Variants in HERC2 observed in about 807,000 individuals in gnomAD.
HERC2 encodes E3 ubiquitin-protein ligase HERC2.
Under a neutral mutation model 537.7 loss-of-function variants are expected in HERC2, and 102 were observed. That is an observed-to-expected ratio of 0.19 (90% CI 0.16 to 0.22). HERC2 has a LOEUF of 0.22. Ranked by LOEUF, HERC2 falls within the 10% of genes least tolerant of loss-of-function variation. The pLI is 1.00. For missense variants in HERC2, 4,236 were observed against 6,198.2 expected (o/e 0.68, Z 10.63); for synonymous variants, 2,224 against 2,466.2 (o/e 0.90, Z 2.91).
rs1419029765 is a variant in HERC2 at position 28,191,248 on chromosome 15, T to C, written c.8452-4A>G. 7 of 1,596,380 alleles carry C rather than the reference T, an allele frequency of 4.4e-6. No homozygotes were observed. In the East Asian group the frequency reaches 8.9e-5, roughly 20 times the overall value. The stretch of plus-strand genomic sequence containing the variant: ...AAATCTCCAAACGAATCCAGTGCTT[T>C]AGAAAAACAAAAAAACCACATTCTC... On this transcript the variant is annotated splice_region_variant and splice_polypyrimidine_tract_variant and intron_variant, in intron 53 of 92. Coordinates refer to ENST00000261609, the MANE Select transcript of HERC2 (RefSeq NM_004667.6).
At position 28,236,984 on chromosome 15, in the gene HERC2, G is replaced by C; in HGVS notation, c.3982C>G (p.Pro1328Ala). 1 of 1,611,908 alleles carries C rather than the reference G, an allele frequency of 6.2e-7. No homozygotes were observed. Among genetic ancestry groups the C allele is most frequent in the Non-Finnish European group, 8.5e-7 (1 of 1,179,778 alleles). ...TTACTGGCACATTCAATCTCGACAG[G>C]AGACAGCGGTGTGCTCATTGCCAAA... is the stretch of plus-strand genomic sequence containing the variant. ...SYLAMSTPLSPVEIECAKWLQ... is the reference protein window; with the variant it reads ...SYLAMSTPLSAVEIECAKWLQ... The change falls in exon 26 of 93, where the codon CCT becomes GCT. Residue 1328 changes from proline (P) to alanine (A), a missense_variant. Physicochemically the swap from Pro to Ala is conservative, Grantham distance 27. This residue lies in a region of HERC2 where 754 missense variants were observed against 1,085.0 expected (regional missense o/e 0.69). Transcript: ENST00000261609.
chr15:28,143,605 C>T (rs111446662), intron 74 of HERC2, among the ~76,000 whole-genome samples: 2,988 of 152,112 alleles, frequency 0.02, 57 homozygotes, highest in Middle Eastern at 0.14. Flanking sequence ...CACCACCACG[C>T]CCATCTAATT....
At chr15:28,206,520 A>G in intron 44 of HERC2, 138 bp from the exon 45 acceptor site, 2 of 569,354 alleles carry the variant, frequency 3.5e-6, no homozygotes, top group Non-Finnish European at 6.3e-6. Flanking sequence ...AAAATCTTCA[A>G]GGTTCAGACA....
chr15:28,301,581 G>A (rs1218678722), intron 2 of HERC2, among the ~76,000 whole-genome samples: 1 of 149,610 alleles, frequency 6.7e-6, no homozygotes, highest in Non-Finnish European at 1.5e-5. Context: ...TCAGACACTG[G>A]GGGAAGGCAT....
At chr15:28,313,480 T>C (rs1193153055) in intron 2 of HERC2, among the ~76,000 whole-genome samples, 4 of 152,100 alleles carry the variant, frequency 2.6e-5, no homozygotes, top group Admixed American at 1.3e-4. Flanking sequence ...TTAAGGCATT[T>C]ATTAAAGTGA....
In HERC2 at chr15:28,141,795, G is replaced by T. The variant is rs766759949; in HGVS notation, c.11752C>A (p.Leu3918Met). Residue 3918 changes from leucine (L) to methionine (M), a missense_variant, in exon 77 of 93, where the codon CTG becomes ATG. Coordinates refer to ENST00000261609, the MANE Select transcript of HERC2 (RefSeq NM_004667.6). Reference protein sequence around the residue: ...LMADSENMDVLHESHDIFKRE... With the variant: ...LMADSENMDVMHESHDIFKRE... Reference sequence around the variant, plus strand: ...TTAAAAATGTCATGGCTCTCATGCAGAACATCCATGTTTTCGCTGTCTGCC... The same window carrying T: ...TTAAAAATGTCATGGCTCTCATGCATAACATCCATGTTTTCGCTGTCTGCC... The T allele has an allele frequency of 1.5e-5, 25 of 1,614,162 alleles. No homozygotes were observed. In the South Asian group the frequency reaches 2.7e-4, roughly 18 times the overall value.
At chr15:28,199,231 ACTGT>A (rs1897662386) in intron 48 of HERC2, among the ~76,000 whole-genome samples, 1 of 152,104 alleles carries the variant, frequency 6.6e-6, no homozygotes, top group African/African-American at 2.4e-5. Context: ...TCTTTAGAAC[ACTGT>A]CTGGCTTTGT....
Position 28,265,891 on chromosome 15 carries a change from G to A in HERC2, c.1682C>T (p.Thr561Ile), listed in dbSNP as rs753784290. 4.3e-6 allele frequency: 7 copies of A among 1,614,066 alleles called. No homozygotes were observed. The Admixed American group carries it at 1.0e-4, about 23-fold the overall frequency. ...KHVVHIACGS[T>I]YSAAITAEGE... Reference sequence around the variant, plus strand: ...CTCGGCAGTGATGGCCGCACTGTAAGTGCTCCCGCAAGCGATGTGCACCAC... The same window carrying A: ...CTCGGCAGTGATGGCCGCACTGTAAATGCTCCCGCAAGCGATGTGCACCAC... Residue 561 changes from threonine (T) to isoleucine (I), a missense_variant, in exon 13 of 93, where the codon ACT becomes ATT. Physicochemically the swap from Thr to Ile is moderately conservative, Grantham distance 89. Transcript: ENST00000261609. This position sits in a 1 kb window ranked among gnomAD's most constrained non-coding sequence, Gnocchi z 4.0.
intron 48 of HERC2, among the ~76,000 whole-genome samples, chr15:28,200,927 AC>A (rs1897842963): frequency 7.1e-6 from 1 of 141,660 alleles, no homozygotes; most frequent in African/African-American, 2.7e-5. Context: ...ACTATATAAA[AC>A]ATAATTAGAT....
At chr15:28,116,564 A>G (rs1050526920) in intron 88 of HERC2, 101 bp downstream of exon 88, 6 of 1,204,492 alleles carry the variant, frequency 5.0e-6, no homozygotes, top group South Asian at 4.4e-5. Context: ...AAAAGCAGAT[A>G]TTCAAGATAT....
At chr15:28,112,681 G>A (rs1887780225) in intron 92 of HERC2, among the ~76,000 whole-genome samples, 1 of 152,140 alleles carries the variant, frequency 6.6e-6, no homozygotes, top group African/African-American at 2.4e-5. Flanking sequence ...GGCCCACAGA[G>A]TTGGAACCCA....
chr15:28,297,117 TGAAAGTTTCCAA>T (rs1246276245), intron 3 of HERC2, among the ~76,000 whole-genome samples: 1 of 152,266 alleles, frequency 6.6e-6, no homozygotes, highest in African/African-American at 2.4e-5. Flanking sequence ...CTTTGGTGTC[TGAAAGTTTCCAA>T]GAATTACTAA....
rs141693645 is a variant in HERC2, at chr15:28,193,991, G to A, written c.8261-1840C>T. Among the ~76,000 whole-genome samples, 4 of 151,196 alleles carry A rather than the reference G, an allele frequency of 2.6e-5. No homozygotes were observed. The East Asian group carries it at 5.9e-4, about 22-fold the overall frequency. On this transcript the variant is annotated intron_variant, in intron 52 of 92. Transcript: ENST00000261609. ...GAAAAAAGTGGAGAGAAATTACAAA[G>A]TATGCAGAAAAATCTAAATGAATAT...
intron 78 of HERC2, among the ~76,000 whole-genome samples, chr15:28,140,858 T>C (rs1025896314): frequency 1.2e-4 from 18 of 151,858 alleles, no homozygotes; most frequent in African/African-American, 4.1e-4. Flanking sequence ...GTATTTACAA[T>C]AGCAAACAAG....
chr15:28,117,424 T>G, intron 86 of HERC2: 1 of 685,882 alleles, frequency 1.5e-6, no homozygotes, highest in Non-Finnish European at 2.7e-6. Context: ...CAAACACACC[T>G]TCCAACACGA....
chr15:28,267,680 T>C (rs2075605995), intron 12 of HERC2, among the ~76,000 whole-genome samples: 1 of 152,264 alleles, frequency 6.6e-6, no homozygotes, highest in Non-Finnish European at 1.5e-5. Context: ...TTTCTCCCAG[T>C]TTGGGATCTT....
intron 4 of HERC2, among the ~76,000 whole-genome samples, chr15:28,285,967 T>C (rs960495287): frequency 2.6e-5 from 4 of 151,854 alleles, no homozygotes; most frequent in Admixed American, 6.6e-5. Flanking sequence ...TTACCACAAC[T>C]CACCAAATAT....
intron 86 of HERC2, among the ~76,000 whole-genome samples, 196 bp downstream of exon 86, chr15:28,121,150 T>A (rs1225743317): frequency 6.6e-6 from 1 of 152,202 alleles, no homozygotes; most frequent in East Asian, 1.9e-4. Flanking sequence ...TACTTCTGTA[T>A]AAAGAAACAC....
chr15:28,218,363 ATACTTTG>A, intron 38 of HERC2, 119 bp downstream of exon 38: 1 of 803,542 alleles, frequency 1.2e-6, no homozygotes, highest in Non-Finnish European at 2.1e-6. Flanking sequence ...CCAAGTTTGT[ATACTTTG>A]TTACAGCAGC....
Sources: gnomAD v4.1 joint callset for allele counts (sites outside exome capture counted in the v4.1 genomes callset) on GRCh38, gnomAD v4.1.1 for gene constraint, gnomAD v4.1.1 regional missense constraint, Gnocchi (gnomAD v3.1) non-coding constraint, MANE v1.5 for transcripts, NCBI Gene and HGNC (gene_info 2026-07-23, HGNC 2026-07-21) for gene names.